The following FBXL17 variants were observed in gnomAD, a reference collection of about 807,000 sequenced individuals.
The protein encoded by FBXL17 is F-box/LRR-repeat protein 17.
A neutral mutation model predicts 66.2 loss-of-function variants in FBXL17; 22 were observed. That is an observed-to-expected ratio of 0.33 (90% CI 0.24 to 0.47). The LOEUF is 0.47. Ranked by LOEUF, FBXL17 falls within the 20% of genes least tolerant of loss-of-function variation. The probability of loss-of-function intolerance (pLI) is 1.00; values close to 1 mark genes in which losing one functional copy is unlikely to be tolerated. For synonymous variants in FBXL17, 474 were observed against 400.5 expected, an observed-to-expected ratio of 1.18 and a Z score of -2.19; for missense variants, 878 against 948.2, an observed-to-expected ratio of 0.93 and a Z score of 0.97.
intron 7 of FBXL17, among the ~76,000 whole-genome samples, chr5:107,941,453 C>A (rs1447491266): frequency 1.3e-5 from 2 of 152,176 alleles, no homozygotes; most frequent in East Asian, 3.9e-4. Flanking sequence ...GTGAGTTATT[C>A]CAACCCTCGG....
intron 6 of FBXL17, among the ~76,000 whole-genome samples, chr5:108,041,924 TG>T (rs1352680300): frequency 3.3e-5 from 5 of 152,126 alleles, no homozygotes; most frequent in Non-Finnish European, 7.4e-5. Context: ...TTTTCTGAGA[TG>T]GAGTTTCGCT....
At chr5:107,910,133 T>A in intron 7 of FBXL17, among the ~76,000 whole-genome samples, 1 of 148,678 alleles carries the variant, frequency 6.7e-6, no homozygotes, top group African/African-American at 2.5e-5. Context: ...GGGAGGGAGG[T>A]TATCTGGGGT....
chr5:108,056,156 G>GTTACCC (rs1324302903), intron 6 of FBXL17, among the ~76,000 whole-genome samples: 1 of 152,116 alleles, frequency 6.6e-6, no homozygotes, highest in Non-Finnish European at 1.5e-5. Context: ...ACATTCCTTT[G>GTTACCC]GGGTAAAGGC....
intron 7 of FBXL17, among the ~76,000 whole-genome samples, chr5:107,992,779 C>G (rs1025518293): frequency 6.6e-6 from 1 of 152,188 alleles, no homozygotes; most frequent in Admixed American, 6.5e-5. Context: ...TTCCCTTATT[C>G]TGTGGATACA....
chr5:108,268,899 T>C (rs535411687), intron 4 of FBXL17, among the ~76,000 whole-genome samples: 8 of 152,178 alleles, frequency 5.3e-5, no homozygotes. Context: ...ATACAAGTTT[T>C]ATGTGCCACA....
chr5:108,114,267 C>G (rs539169026), intron 6 of FBXL17, among the ~76,000 whole-genome samples: 4 of 152,040 alleles, frequency 2.6e-5, no homozygotes, highest in Admixed American at 1.3e-4. Context: ...GCATAGTAAC[C>G]ATTTGCTTAC....
intron 4 of FBXL17, among the ~76,000 whole-genome samples, chr5:108,245,406 G>A (rs1208640295): frequency 6.6e-6 from 1 of 152,008 alleles, no homozygotes; most frequent in Non-Finnish European, 1.5e-5. Context: ...CCTGATGTAT[G>A]AATATAGAAC....
At chr5:108,241,699 A>G (rs1441991900) in intron 4 of FBXL17, among the ~76,000 whole-genome samples, 1 of 152,186 alleles carries the variant, frequency 6.6e-6, no homozygotes, top group Non-Finnish European at 1.5e-5. Flanking sequence ...TGAACAAGGC[A>G]TTTAATAATC....
chr5:108,331,452 A>T (rs1338995265), intron 4 of FBXL17, among the ~76,000 whole-genome samples: 5 of 152,252 alleles, frequency 3.3e-5, no homozygotes, highest in African/African-American at 1.2e-4. Context: ...CAGAAAAAGA[A>T]AGACTAATGT....
At chr5:108,090,353 TC>T (rs1219587279) in intron 6 of FBXL17, among the ~76,000 whole-genome samples, 1 of 152,162 alleles carries the variant, frequency 6.6e-6, no homozygotes, top group Non-Finnish European at 1.5e-5. Flanking sequence ...GTGTGGACCT[TC>T]CTTAGCCTAC....
intron 7 of FBXL17, 194 bp downstream of exon 7, chr5:108,020,731 G>A (rs1190625381): frequency 2.1e-6 from 1 of 475,104 alleles, no homozygotes; most frequent in East Asian, 3.3e-5. Context: ...TGGCAATGAA[G>A]TAATATGCAT....
At chr5:107,953,101 A>G (rs976853905) in intron 7 of FBXL17, among the ~76,000 whole-genome samples, 88 of 3,532 alleles carry the variant, frequency 0.025, no homozygotes, top group Non-Finnish European at 0.045. Context: ...TTCATACTTT[A>G]AAAAAAAAAG....
intron 4 of FBXL17, among the ~76,000 whole-genome samples, chr5:108,273,604 C>T (rs1199539614): frequency 3.3e-5 from 5 of 151,192 alleles, no homozygotes; most frequent in Admixed American, 2.6e-4. Flanking sequence ...AAATGTACAG[C>T]CCTAAATGCT....
chr5:108,006,124 G>A (rs186833697), intron 7 of FBXL17, among the ~76,000 whole-genome samples: 30 of 152,298 alleles, frequency 2.0e-4, no homozygotes, highest in Non-Finnish European at 3.1e-4. Flanking sequence ...GCGAGGCACC[G>A]GAATGTTTAA....
intron 7 of FBXL17, among the ~76,000 whole-genome samples, chr5:107,996,606 G>A (rs1354251249): frequency 6.6e-6 from 1 of 152,180 alleles, no homozygotes; most frequent in Non-Finnish European, 1.5e-5. Flanking sequence ...GAGCCACAAC[G>A]CCTGACCTAA....
At chr5:107,937,291 C>G (rs996091157) in intron 7 of FBXL17, among the ~76,000 whole-genome samples, 4 of 152,048 alleles carry the variant, frequency 2.6e-5, no homozygotes, top group Non-Finnish European at 5.9e-5. Context: ...TGCAAATCAG[C>G]CCGATCTTAT....
intron 4 of FBXL17, among the ~76,000 whole-genome samples, chr5:108,336,205 A>G (rs1253452189): frequency 6.6e-6 from 1 of 152,202 alleles, no homozygotes; most frequent in Non-Finnish European, 1.5e-5. Flanking sequence ...TTTAAAAAAC[A>G]CTTGCCAGTG....
chr5:108,253,496 A>G (rs561115873), intron 4 of FBXL17, among the ~76,000 whole-genome samples: 15 of 152,268 alleles, frequency 9.9e-5, no homozygotes, highest in Non-Finnish European at 1.9e-4. Context: ...TCTTACCAAT[A>G]TATCTCATAA....
rs1749921189 is a variant in FBXL17, at chr5:108,381,469, C to T, written c.223G>A (p.Gly75Ser). The part of the protein sequence containing the change: ...VHSPGAPAPA[G>S]PEEEPPLSPP... ...GAGAGCGGCGGCTCCTCCTCTGGGC[C>T]GGCGGGGGCGGGCGCGCCGGGACTG... The change falls in exon 1 of 9, where the codon GGC becomes AGC. Residue 75 changes from glycine to serine, a missense_variant. Transcript: ENST00000542267. The T allele has an allele frequency of 9.1e-6, 12 of 1,322,654 alleles. No individual in the cohort carries two copies. The highest frequency in any genetic ancestry group is 6.4e-5 in the South Asian group (3 of 47,098). The allele number at this position is 1,322,654 out of a possible 1,614,324, so 81.9% of individuals were successfully genotyped here.
Sources: gnomAD v4.1 joint callset for allele counts (sites outside exome capture counted in the v4.1 genomes callset) on GRCh38, gnomAD v4.1.1 for gene constraint, MANE v1.5 for transcripts, NCBI Gene and HGNC (gene_info 2026-07-23, HGNC 2026-07-21) for gene names.